The following TCF4 variants were observed in gnomAD, a reference collection of about 807,000 sequenced individuals.
TCF4 encodes transcription factor 4.
TCF4 carries 3 observed loss-of-function variants against 82.1 expected under a neutral mutation model. The ratio of observed to expected loss-of-function variants is 0.04; its 90% CI spans 0.02 to 0.09. The LOEUF (loss-of-function observed/expected upper bound fraction) is 0.09. Ranked by LOEUF, TCF4 falls within the 10% of genes least tolerant of loss-of-function variation. TCF4 has a pLI of 1.00. For synonymous variants in TCF4, 276 were observed against 309.6 expected, an observed-to-expected ratio of 0.89 and a Z score of 1.14; for missense variants, 518 against 852.7, an observed-to-expected ratio of 0.61 and a Z score of 4.89.
chr18:55,499,059 A>G (rs1369426674), intron 3 of TCF4, among the ~76,000 whole-genome samples: 1 of 152,184 alleles, frequency 6.6e-6, no homozygotes, highest in Non-Finnish European at 1.5e-5. Context: ...ACCCTTTTCC[A>G]GAACAGGTCC....
rs79867628 is a variant in TCF4 at position 55,472,883 on chromosome 18, A to G, written c.146-8746T>C. 8.4e-3 allele frequency among the ~76,000 whole-genome samples: 1,280 copies of G among 152,334 alleles called. 17 individuals carry two copies. The highest frequency in any genetic ancestry group is 0.029 in the African/African-American group (1,202 of 41,588). ...AAGACATATCACCTTCTAAAGATAT[A>G]TCACAGAGTGCAAGAAATAAAAGGT... On this transcript the variant is annotated intron_variant, in intron 3 of 19. Transcript: ENST00000354452.
At chr18:55,491,272 G>T (rs2096573315) in intron 3 of TCF4, among the ~76,000 whole-genome samples, 1 of 152,098 alleles carries the variant, frequency 6.6e-6, no homozygotes, top group Non-Finnish European at 1.5e-5. Context: ...CCATCATGGG[G>T]GCGGGACGGC....
chr18:55,253,266 A>G (rs2055792467), intron 15 of TCF4, among the ~76,000 whole-genome samples: 1 of 152,220 alleles, frequency 6.6e-6, no homozygotes. Context: ...AAAGAACCTC[A>G]TAATAATTTG....
At chr18:55,237,338 G>C (rs948279244) in intron 15 of TCF4, among the ~76,000 whole-genome samples, 4 of 152,018 alleles carry the variant, frequency 2.6e-5, no homozygotes, top group African/African-American at 9.7e-5. Context: ...TGAGGATATA[G>C]TTGTTCCAAC....
rs552497994 is a variant in TCF4 at position 55,256,453 on chromosome 18, G to A, written c.1146+862C>T. Among the ~76,000 whole-genome samples, 6 of 152,250 alleles carry A rather than the reference G, an allele frequency of 3.9e-5. No individual in the cohort carries two copies. The South Asian group carries it at 1.2e-3, about 32-fold the overall frequency. ...TACTGGTTAAAATGCATAGCTGAAT[G>A]ATTCATACACTATAGCAAGGAAGAA... On this transcript the variant is annotated intron_variant, in intron 14 of 19. Transcript: ENST00000354452.
At chr18:55,589,569 T>TAA, upstream of TCF4, 7 of 878,738 alleles carry the variant, frequency 8.0e-6, no homozygotes, top group East Asian at 6.8e-5. Flanking sequence ...TTATTGTTTA[T>TAA]AAAAAAAAAA....
chr18:55,294,266 A>G lies in TCF4; in HGVS notation c.550-14610T>C, dbSNP rs538369834. Among the ~76,000 whole-genome samples the G allele has an allele frequency of 6.8e-5, 10 of 145,994 alleles. No homozygotes were observed. The East Asian group carries it at 1.9e-3, about 28-fold the overall frequency. On this transcript the variant is annotated intron_variant, in intron 8 of 19. Coordinates refer to ENST00000354452, the MANE Select transcript of TCF4 (RefSeq NM_001083962.2). ...CAGAGTGAGAATCTGTCTCAAAAAA[A>G]AAGAAAAAAAAGAAAAAGAAAGAAA... is the stretch of plus-strand genomic sequence containing the variant.
intron 6 of TCF4, among the ~76,000 whole-genome samples, 173 bp downstream of exon 6, chr18:55,403,281 G>T (rs1457094465): frequency 6.6e-6 from 1 of 152,180 alleles, no homozygotes; most frequent in African/African-American, 2.4e-5. Flanking sequence ...TAAAGATGAG[G>T]TGTTTATTAG....
At chr18:55,455,526 T>C (rs1352116817) in intron 5 of TCF4, among the ~76,000 whole-genome samples, 1 of 146,906 alleles carries the variant, frequency 6.8e-6, no homozygotes, top group Non-Finnish European at 1.5e-5. Context: ...AAAGGTGTTA[T>C]TGGAAAAAAA....
At chr18:55,512,898 T>C (rs1032482447) in intron 3 of TCF4, among the ~76,000 whole-genome samples, 1 of 152,148 alleles carries the variant, frequency 6.6e-6, no homozygotes, top group Non-Finnish European at 1.5e-5. Flanking sequence ...AAGATTTCAA[T>C]AGGCAAAGTA....
chr18:55,568,351 A>C (rs941975548), intron 3 of TCF4, among the ~76,000 whole-genome samples: 1 of 148,204 alleles, frequency 6.7e-6, no homozygotes, highest in African/African-American at 2.4e-5. Context: ...AGGAATACAT[A>C]AATAAAGTTA....
chr18:55,391,658 C>A (rs189646140), intron 6 of TCF4, among the ~76,000 whole-genome samples: 4 of 151,950 alleles, frequency 2.6e-5, no homozygotes, highest in Admixed American at 6.6e-5. Flanking sequence ...TTCTGCCAGG[C>A]GCGGTGGTTC....
chr18:55,450,824 G>A (rs1849982533), intron 5 of TCF4, among the ~76,000 whole-genome samples: 1 of 152,190 alleles, frequency 6.6e-6, no homozygotes, highest in Non-Finnish European at 1.5e-5. Flanking sequence ...TTATTCAGAT[G>A]ACCTACAACA....
chr18:55,319,671 C>T (rs1222579119), intron 8 of TCF4, among the ~76,000 whole-genome samples: 3 of 150,370 alleles, frequency 2.0e-5, no homozygotes, highest in African/African-American at 4.9e-5. Flanking sequence ...TTATGAGTAC[C>T]ATCCTCTCAA....
intron 6 of TCF4, among the ~76,000 whole-genome samples, chr18:55,360,124 G>A (rs1281253977): frequency 6.6e-6 from 1 of 152,154 alleles, no homozygotes; most frequent in Non-Finnish European, 1.5e-5. Context: ...GCAAGAGAAG[G>A]GAATGGTTAT....
In TCF4 at chr18:55,234,875, G is replaced by A. The variant is rs949364055; in HGVS notation, c.1351-192C>T. Among the ~76,000 whole-genome samples the A allele has an allele frequency of 4.6e-5, 7 of 152,294 alleles. No individual in the cohort carries two copies. The South Asian group carries it at 1.4e-3, about 32-fold the overall frequency. On this transcript the variant is annotated intron_variant, in intron 15 of 19. Coordinates refer to ENST00000354452, the MANE Select transcript of TCF4 (RefSeq NM_001083962.2). ...GAAAACACTTAACACTCAGTAAGATGCCGTGCTGTACATTCAGTGACAAAT... is the reference window on the plus strand; with the variant it reads ...GAAAACACTTAACACTCAGTAAGATACCGTGCTGTACATTCAGTGACAAAT...
intron 8 of TCF4, among the ~76,000 whole-genome samples, chr18:55,318,650 A>G (rs991326094): frequency 6.6e-6 from 1 of 152,150 alleles, no homozygotes; most frequent in Non-Finnish European, 1.5e-5. Flanking sequence ...TTTTTTTCAG[A>G]GTCCACACTT....
intron 13 of TCF4, 130 bp downstream of exon 13, chr18:55,259,819 T>G: frequency 1.3e-6 from 1 of 775,338 alleles, no homozygotes; most frequent in East Asian, 2.5e-5. Context: ...TTTGTATTTG[T>G]CTGTTATAGG....
intron 3 of TCF4, among the ~76,000 whole-genome samples, chr18:55,505,058 A>C (rs967900939): frequency 6.6e-6 from 1 of 152,156 alleles, no homozygotes; most frequent in East Asian, 1.9e-4. Context: ...GTTAGGATAC[A>C]TTTTGGGGTT....
Sources: allele counts gnomAD v4.1 joint callset (sites outside exome capture counted in the v4.1 genomes callset), GRCh38; gene constraint gnomAD v4.1.1; transcripts MANE v1.5; gene names NCBI Gene and HGNC (gene_info 2026-07-23, HGNC 2026-07-21).